The following WWOX variants were observed in gnomAD, a reference collection of about 807,000 sequenced individuals.
WWOX encodes the protein WW domain containing oxidoreductase, also known as WW domain-containing oxidoreductase.
In WWOX, 69 loss-of-function variants were observed where a neutral mutation model predicts 46.2. The ratio of observed to expected loss-of-function variants is 1.49; its 90% CI spans 1.23 to 1.82. The LOEUF is 1.82. WWOX is among the 40% of genes most tolerant of loss of function. The probability of loss-of-function intolerance (pLI) is 0.00; values close to 1 mark genes in which losing one functional copy is unlikely to be tolerated. For missense variants in WWOX, 919 were observed against 542.6 expected (o/e 1.69, Z -6.89); for synonymous variants, 359 against 202.6 (o/e 1.77, Z -6.56).
At position 79,187,882 on chromosome 16, in the gene WWOX, A is replaced by T. The variant is rs1466290256; in HGVS notation, c.1057-23726A>T. Among the ~76,000 whole-genome samples the T allele has an allele frequency of 2.0e-5, 3 of 152,212 alleles. No individual in the cohort carries two copies. The South Asian group carries it at 6.2e-4, about 32-fold the overall frequency. ...TTTTTGAGAAGAGAAAGAAAGAATTATGAATGAATTCTTCTGAGCTGTGAG... is the reference window on the plus strand; with the variant it reads ...TTTTTGAGAAGAGAAAGAAAGAATTTTGAATGAATTCTTCTGAGCTGTGAG... On this transcript the variant is annotated intron_variant, in intron 8 of 8. Transcript: ENST00000566780.
intron 5 of WWOX, among the ~76,000 whole-genome samples, chr16:78,378,954 G>C (rs942147267): frequency 6.6e-6 from 1 of 152,144 alleles, no homozygotes; most frequent in Admixed American, 6.5e-5. Flanking sequence ...GACGACAGGG[G>C]AACAGCCCAG....
chr16:78,115,245 C>G, intron 4 of WWOX, 91 bp downstream of exon 4: 1 of 1,437,532 alleles, frequency 7.0e-7, no homozygotes, highest in Non-Finnish European at 9.8e-7. Context: ...TAGTGGTTCT[C>G]TGATTTAAAC....
chr16:78,279,764 T>C (rs1245746058), intron 5 of WWOX, among the ~76,000 whole-genome samples: 1 of 152,216 alleles, frequency 6.6e-6, no homozygotes, highest in Admixed American at 6.5e-5. Context: ...AAAAGTGAGA[T>C]ACCCTTTAAT....
chr16:79,053,779 C>G (rs902385410), intron 8 of WWOX, among the ~76,000 whole-genome samples: 1 of 152,044 alleles, frequency 6.6e-6, no homozygotes, highest in Non-Finnish European at 1.5e-5. Flanking sequence ...CAAATGAAAA[C>G]CATTAATCCT....
chr16:78,723,624 TTTCTTTTTTC>T (rs2048752179), intron 8 of WWOX, among the ~76,000 whole-genome samples: 1 of 141,594 alleles, frequency 7.1e-6, no homozygotes, highest in Non-Finnish European at 1.5e-5. Context: ...TTTCTTTTCT[TTTCTTTTTTC>T]TTTTCTTTTC....
chr16:78,308,930 G>T (rs960982021), intron 5 of WWOX, among the ~76,000 whole-genome samples: 15 of 152,242 alleles, frequency 9.9e-5, no homozygotes, highest in African/African-American at 3.6e-4. Flanking sequence ...CCTATCTGTT[G>T]ATCTCGGGTG....
intron 8 of WWOX, among the ~76,000 whole-genome samples, chr16:78,963,715 A>T (rs1187465065): frequency 2.0e-5 from 3 of 152,186 alleles, no homozygotes. Flanking sequence ...CACTTAACAC[A>T]CAGACACATA....
intron 4 of WWOX, among the ~76,000 whole-genome samples, chr16:78,156,810 G>C (rs568303913): frequency 1.3e-5 from 2 of 152,198 alleles, no homozygotes; most frequent in Non-Finnish European, 2.9e-5. Flanking sequence ...TGTAATCCCA[G>C]TTGCTGGGGA....
intron 8 of WWOX, among the ~76,000 whole-genome samples, chr16:78,849,731 C>A (rs76751158): frequency 0.059 from 9,005 of 151,848 alleles, 266 homozygotes; most frequent in African/African-American, 0.074. Context: ...GAGCAAAGGG[C>A]GAGGTTTATA....
rs192176419 is a variant in WWOX at position 78,789,042 on chromosome 16, C to A, written c.1056+356290C>A. On this transcript the variant is annotated intron_variant, in intron 8 of 8. Coordinates refer to ENST00000566780, the MANE Select transcript of WWOX (RefSeq NM_016373.4). Reference sequence around the variant, plus strand: ...TCTTTTTATTCTTTTGATATCATCTCGTGATGCACAAAAGTTTTAACAACA... The same window carrying A: ...TCTTTTTATTCTTTTGATATCATCTAGTGATGCACAAAAGTTTTAACAACA... Among the ~76,000 whole-genome samples the A allele has an allele frequency of 2.2e-4, 33 of 152,266 alleles. No homozygotes were observed. The East Asian group carries it at 6.2e-3, about 29-fold the overall frequency.
chr16:78,288,451 G>A (rs9938194), intron 5 of WWOX, among the ~76,000 whole-genome samples: 35,408 of 151,918 alleles, frequency 0.23, 4,490 homozygotes, highest in East Asian at 0.39. Flanking sequence ...AGTGGTGGCT[G>A]TGGTTGTCAA....
At chr16:78,908,069 C>T (rs116915619) in intron 8 of WWOX, among the ~76,000 whole-genome samples, 4,406 of 152,238 alleles carry the variant, frequency 0.029, 75 homozygotes, top group Middle Eastern at 0.068. Flanking sequence ...TTATAGTTCC[C>T]AAATTGCAGG....
chr16:78,986,345 C>G (rs1227857726), intron 8 of WWOX, among the ~76,000 whole-genome samples: 1 of 152,166 alleles, frequency 6.6e-6, no homozygotes, highest in Non-Finnish European at 1.5e-5. Context: ...TGACTCAGAG[C>G]TTTATGAAGG....
At chr16:79,210,940 C>G (rs2051714362) in intron 8 of WWOX, among the ~76,000 whole-genome samples, 1 of 152,032 alleles carries the variant, frequency 6.6e-6, no homozygotes, top group Non-Finnish European at 1.5e-5. Flanking sequence ...CATTGTAAAT[C>G]TGGGTCAAAT....
intron 8 of WWOX, among the ~76,000 whole-genome samples, chr16:78,713,723 C>T (rs191915079): frequency 2.0e-5 from 3 of 152,280 alleles, no homozygotes; most frequent in Non-Finnish European, 4.4e-5. Context: ...CTGCTGACAC[C>T]TTGACCTTGA....
intron 8 of WWOX, among the ~76,000 whole-genome samples, chr16:79,105,604 C>T (rs2049292069): frequency 6.6e-6 from 1 of 151,760 alleles, no homozygotes; most frequent in African/African-American, 2.4e-5. Context: ...TTATATTGTA[C>T]ACAGTCCTAT....
intron 8 of WWOX, among the ~76,000 whole-genome samples, chr16:78,726,814 C>A (rs1402245338): frequency 6.6e-6 from 1 of 151,674 alleles, no homozygotes; most frequent in Non-Finnish European, 1.5e-5. Flanking sequence ...CAGAATAGTT[C>A]TATGGAAATA....
chr16:78,517,494 A>G (rs561201001), intron 8 of WWOX, among the ~76,000 whole-genome samples: 3 of 152,324 alleles, frequency 2.0e-5, no homozygotes, highest in South Asian at 2.1e-4. Context: ...TGATATCATT[A>G]TGGCATCCTA....
intron 5 of WWOX, among the ~76,000 whole-genome samples, chr16:78,341,273 G>A (rs1253977708): frequency 8.4e-6 from 1 of 119,064 alleles, no homozygotes; most frequent in African/African-American, 2.9e-5. Context: ...CCAAACTGCT[G>A]GGATTATAGG....
Sources: gnomAD v4.1 joint callset for allele counts (sites outside exome capture counted in the v4.1 genomes callset) on GRCh38, gnomAD v4.1.1 for gene constraint, MANE v1.5 for transcripts, NCBI Gene and HGNC (gene_info 2026-07-23, HGNC 2026-07-21) for gene names.